The following IRAG1 variants were observed in gnomAD, a reference collection of about 807,000 sequenced individuals.
IRAG1 encodes the protein IP3R-associated cGMP kinase substrate.
Under a neutral mutation model 106.2 loss-of-function variants are expected in IRAG1, and 62 were observed. The observed-to-expected ratio is 0.58, with a 90% CI of 0.48 to 0.72. The LOEUF (loss-of-function observed/expected upper bound fraction) is 0.72. Ranked by LOEUF, IRAG1 falls within the 30% of genes least tolerant of loss-of-function variation. The pLI is 0.00. For synonymous variants in IRAG1, 462 were observed against 443.9 expected, an observed-to-expected ratio of 1.04 and a Z score of -0.51; for missense variants, 1,064 against 1,140.7, an observed-to-expected ratio of 0.93 and a Z score of 0.97.
intron 1 of IRAG1, among the ~76,000 whole-genome samples, chr11:10,681,595 G>A (rs1347064209): frequency 6.6e-6 from 1 of 152,198 alleles, no homozygotes; most frequent in Non-Finnish European, 1.5e-5. Context: ...ACTGGGCCCT[G>A]TAGGGTGAAT....
intron 1 of IRAG1, among the ~76,000 whole-genome samples, chr11:10,670,996 T>C (rs1860174667): frequency 6.6e-6 from 1 of 152,238 alleles, no homozygotes; most frequent in African/African-American, 2.4e-5. Context: ...TAGCTATTGA[T>C]AGAATCTCTC....
At chr11:10,680,947 T>C (rs566499242) in intron 1 of IRAG1, among the ~76,000 whole-genome samples, 2 of 152,198 alleles carry the variant, frequency 1.3e-5, no homozygotes, top group Non-Finnish European at 2.9e-5. Context: ...ATTACACAGA[T>C]AGCATGGTTT....
rs1850800163 is a variant in IRAG1 at position 10,576,136 on chromosome 11, TTTG to T, written c.*193_*195del. The T allele has an allele frequency of 1.5e-6, 1 of 677,220 alleles. No homozygotes were observed. Among genetic ancestry groups the T allele is most frequent in the Non-Finnish European group, 2.4e-6 (1 of 414,810 alleles). 42.0% of individuals were successfully genotyped at this position (677,220 alleles called of 1,614,324 possible). On this transcript the variant is annotated 3_prime_UTR_variant, in exon 21 of 21. Transcript: ENST00000423302. ...CCACTGGATGCTTTCCCAGGGCAGT[TTTG>T]TTGATCCTCCAAGAACATCAAGTCA...
chr11:10,604,320 G>T, intron 13 of IRAG1, 85 bp downstream of exon 13: 2 of 1,534,892 alleles, frequency 1.3e-6, no homozygotes, highest in Non-Finnish European at 1.8e-6. Context: ...ACTATACTTG[G>T]TACCTGAGAG....
In IRAG1 at chr11:10,626,363, C is replaced by T. The variant is rs758893178; in HGVS notation, c.971G>A (p.Gly324Asp). 6.2e-7 allele frequency: 1 copy of T among 1,613,762 alleles called. No homozygotes were observed. Among genetic ancestry groups the T allele is most frequent in the South Asian group, 1.1e-5 (1 of 91,000 alleles). ...GKMALNSPQPGPVESELGKQL... is the reference protein window; with the variant it reads ...GKMALNSPQPDPVESELGKQL... ...CTTCCCCAGCTCGCTCTCCACGGGG[C>T]CAGGCTGAGGGCTGTTCAGGGCCAT... The change falls in exon 9 of 21, where the codon GGC (glycine) becomes GAC (aspartate). Residue 324 changes from glycine (G) to aspartate (D), a missense_variant. Gly to Asp is a moderately conservative substitution (Grantham distance 94). Transcript: ENST00000423302.
At chr11:10,691,253 T>G (rs1239013682) in intron 1 of IRAG1, among the ~76,000 whole-genome samples, 1 of 152,224 alleles carries the variant, frequency 6.6e-6, no homozygotes. Flanking sequence ...TGATTGAACC[T>G]GAGCACTTCG....
At chr11:10,661,636 C>T (rs568515622) in intron 1 of IRAG1, among the ~76,000 whole-genome samples, 5 of 152,290 alleles carry the variant, frequency 3.3e-5, no homozygotes, top group African/African-American at 1.2e-4. Flanking sequence ...CCAGCAGAGT[C>T]GCTGGCATCT....
At chr11:10,672,238 T>A (rs576722436) in intron 1 of IRAG1, among the ~76,000 whole-genome samples, 1 of 152,312 alleles carries the variant, frequency 6.6e-6, no homozygotes, top group Admixed American at 6.5e-5. Flanking sequence ...ATAGAATTCT[T>A]AGGTGAAAGC....
intron 10 of IRAG1, among the ~76,000 whole-genome samples, chr11:10,623,035 G>T (rs576838941): frequency 6.6e-6 from 1 of 152,206 alleles, no homozygotes; most frequent in African/African-American, 2.4e-5. Context: ...AAGAAGGCAG[G>T]TACTGTTCTT....
At chr11:10,655,578 G>A (rs79039914) in intron 1 of IRAG1, among the ~76,000 whole-genome samples, 3,000 of 152,202 alleles carry the variant, frequency 0.02, 118 homozygotes, top group African/African-American at 0.068. Flanking sequence ...GAGCGTTCTC[G>A]TAAAGCCTGG....
At chr11:10,625,340 C>T (rs1302562462) in intron 9 of IRAG1, among the ~76,000 whole-genome samples, 1 of 152,114 alleles carries the variant, frequency 6.6e-6, no homozygotes, top group Non-Finnish European at 1.5e-5. Flanking sequence ...GTTATCTGGT[C>T]TCTATCTCTG....
intron 1 of IRAG1, among the ~76,000 whole-genome samples, chr11:10,670,242 GT>G (rs1488376534): frequency 2.0e-5 from 3 of 152,318 alleles, no homozygotes; most frequent in African/African-American, 7.2e-5. Context: ...ATACAACTAT[GT>G]CACCGTACTG....
At chr11:10,611,480 C>G (rs1046640239) in intron 10 of IRAG1, 1 of 152,100 alleles carries the variant, frequency 6.6e-6, no homozygotes, top group Non-Finnish European at 1.5e-5. Flanking sequence ...GGGTTTTTGC[C>G]TAGAAAAGTT....
chr11:10,590,711 A>T (rs905444676), intron 18 of IRAG1, among the ~76,000 whole-genome samples: 4 of 152,222 alleles, frequency 2.6e-5, no homozygotes, highest in Non-Finnish European at 4.4e-5. Context: ...GTGCATAGAA[A>T]CAGCCTGCCT....
chr11:10,644,977 A>G (rs1299833632), intron 2 of IRAG1, among the ~76,000 whole-genome samples: 1 of 152,226 alleles, frequency 6.6e-6, no homozygotes, highest in Non-Finnish European at 1.5e-5. Context: ...TCCCATAGAC[A>G]GCGCAGAACA....
chr11:10,621,605 T>C (rs1855840495), intron 10 of IRAG1, among the ~76,000 whole-genome samples: 1 of 152,174 alleles, frequency 6.6e-6, no homozygotes. Context: ...TTTAAAACTG[T>C]TCATGAGATG....
intron 1 of IRAG1, among the ~76,000 whole-genome samples, chr11:10,654,220 C>G (rs1858745107): frequency 7.2e-6 from 1 of 139,060 alleles, no homozygotes; most frequent in African/African-American, 2.5e-5. Context: ...CTGCCATCAG[C>G]CCAGCTCTGA....
At chr11:10,670,477 G>A (rs973838794) in intron 1 of IRAG1, among the ~76,000 whole-genome samples, 6 of 152,186 alleles carry the variant, frequency 3.9e-5, no homozygotes, top group Non-Finnish European at 7.3e-5. Flanking sequence ...ATAGGTCACT[G>A]TCATTTGGTG....
intron 14 of IRAG1, 49 bp downstream of exon 14, chr11:10,603,066 CTACTT>C: frequency 6.4e-7 from 1 of 1,565,490 alleles, no homozygotes; most frequent in South Asian, 1.2e-5. Context: ...GGTGATTGCT[CTACTT>C]TACGTAGGTG....
Sources: allele counts gnomAD v4.1 joint callset (sites outside exome capture counted in the v4.1 genomes callset), GRCh38; gene constraint gnomAD v4.1.1; transcripts MANE v1.5; gene names NCBI Gene and HGNC (gene_info 2026-07-23, HGNC 2026-07-21).